The following FAM114A2 variants were observed in gnomAD, a reference collection of about 807,000 sequenced individuals.
The protein encoded by FAM114A2 is family with sequence similarity 114 member A2, also known as protein FAM114A2.
Under a neutral mutation model 58.4 loss-of-function variants are expected in FAM114A2, and 53 were observed. The ratio of observed to expected loss-of-function variants is 0.91; its 90% CI spans 0.73 to 1.14. FAM114A2 has a LOEUF of 1.14. Among genes scored for constraint, FAM114A2 ranks in the 50% most tolerant of loss-of-function variants. The pLI is 0.00. For synonymous variants in FAM114A2, 228 were observed against 211.4 expected (o/e 1.08, Z -0.68); for missense variants, 601 against 581.1 (o/e 1.03, Z -0.35).
At chr5:154,029,127 C>T (rs1772006666) in intron 5 of FAM114A2, among the ~76,000 whole-genome samples, 2 of 152,182 alleles carry the variant, frequency 1.3e-5, no homozygotes, top group African/African-American at 4.8e-5. Flanking sequence ...ATAAAGATCA[C>T]ATTTCCCCTT....
chr5:153,999,738 G>A (rs1302075812), intron 11 of FAM114A2, among the ~76,000 whole-genome samples: 1 of 151,684 alleles, frequency 6.6e-6, no homozygotes, highest in Non-Finnish European at 1.5e-5. Flanking sequence ...CCAGTATGAA[G>A]ATTTTTCAAA....
At chr5:154,030,077 T>C (rs1349900398) in intron 4 of FAM114A2, among the ~76,000 whole-genome samples, 1 of 152,216 alleles carries the variant, frequency 6.6e-6, no homozygotes, top group Non-Finnish European at 1.5e-5. Flanking sequence ...CACAGTGTAC[T>C]ATGATTACAC....
At chr5:154,026,973 A>G (rs1771825197) in intron 7 of FAM114A2, among the ~76,000 whole-genome samples, 1 of 152,128 alleles carries the variant, frequency 6.6e-6, no homozygotes, top group Admixed American at 6.5e-5. Context: ...ATTTAAAGAA[A>G]TAATACTTGA....
chr5:154,015,049 C>A (rs1447553182), intron 8 of FAM114A2, among the ~76,000 whole-genome samples: 1 of 152,096 alleles, frequency 6.6e-6, no homozygotes, highest in Non-Finnish European at 1.5e-5. Flanking sequence ...TGACAACCTG[C>A]ATGACACAGC....
intron 10 of FAM114A2, 67 bp downstream of exon 10, chr5:154,002,780 G>A: frequency 6.5e-7 from 1 of 1,538,718 alleles, no homozygotes; most frequent in Non-Finnish European, 8.9e-7. Flanking sequence ...TAGGAGCCTG[G>A]GTCCCTGATT....
chr5:154,020,688 T>A (rs1177706680), intron 8 of FAM114A2, among the ~76,000 whole-genome samples: 1 of 152,080 alleles, frequency 6.6e-6, no homozygotes, highest in East Asian at 1.9e-4. Context: ...CAGGATCAGA[T>A]GGATTCACAG....
chr5:153,994,330 A>G (rs1769424677), intron 13 of FAM114A2, among the ~76,000 whole-genome samples: 1 of 152,212 alleles, frequency 6.6e-6, no homozygotes, highest in Non-Finnish European at 1.5e-5. Context: ...TTGTCTGCAC[A>G]GTTAGTTTAC....
intron 9 of FAM114A2, among the ~76,000 whole-genome samples, chr5:154,009,375 A>G (rs1321801617): frequency 6.6e-6 from 1 of 152,206 alleles, no homozygotes; most frequent in Non-Finnish European, 1.5e-5. Context: ...CCATGAAAGC[A>G]TACTGATAAC....
rs1323191274 is a variant in FAM114A2, at chr5:154,034,763, G to C, written c.191C>G (p.Ser64Ter). The change falls in exon 2 of 14, where the codon TCA becomes TGA. Residue 64 changes from serine (S) to a stop codon, truncating the protein, a stop_gained. Coordinates refer to ENST00000351797, the MANE Select transcript of FAM114A2 (RefSeq NM_018691.4). LOFTEE classifies it high-confidence loss of function. Reference sequence around the variant, plus strand: ...TGATACCTGAATAGGGAGAACTTTTGAAGTCTCAAGGTCACTGGAAGGTTT... The same window carrying C: ...TGATACCTGAATAGGGAGAACTTTTCAAGTCTCAAGGTCACTGGAAGGTTT... ...ETKPSSDLET[S>*]KVLPIQDNVS... is the part of the protein sequence containing the mutation. 3.1e-6 allele frequency: 5 copies of C among 1,612,960 alleles called. No homozygotes were observed. Among genetic ancestry groups the C allele is most frequent in the Non-Finnish European group, 4.2e-6 (5 of 1,179,104 alleles).
At position 154,006,289 on chromosome 5, in the gene FAM114A2, C is replaced by T. The variant is rs559002222; in HGVS notation, c.994-3320G>A. Among the ~76,000 whole-genome samples the T allele has an allele frequency of 2.6e-5, 4 of 152,246 alleles. No homozygotes were observed. In the South Asian group the frequency reaches 8.3e-4, roughly 32 times the overall value. On this transcript the variant is annotated intron_variant, in intron 9 of 13. Transcript: ENST00000351797. The stretch of plus-strand genomic sequence containing the variant: ...AAACTAGGAGTCTGCTCTTCTCTCT[C>T]CTAATAAGGCAATTAGCAAGCAAAC...
At chr5:154,026,633 A>C (rs756797379) in intron 7 of FAM114A2, 111 bp from the exon 8 acceptor site, 3 of 632,146 alleles carry the variant, frequency 4.7e-6, no homozygotes, top group Non-Finnish European at 7.1e-6. Flanking sequence ...TTATGAGCTC[A>C]TCAGCCAGCA....
At chr5:154,032,095 C>T (rs188771832) in intron 4 of FAM114A2, among the ~76,000 whole-genome samples, 6 of 152,364 alleles carry the variant, frequency 3.9e-5, no homozygotes, top group Admixed American at 6.5e-5. Flanking sequence ...TCAGTGAACA[C>T]TGATCAAAGA....
At position 154,016,554 on chromosome 5, in the gene FAM114A2, C is replaced by A. The variant is rs144132295; in HGVS notation, c.914-5234G>T. ...AAGGAAAGATACAGTCTTTTTCAAA[C>A]AAACAAATGCTGAGAGAATTTGCCA... On this transcript the variant is annotated intron_variant, in intron 8 of 13. Transcript: ENST00000351797. 6.4e-3 allele frequency among the ~76,000 whole-genome samples: 974 copies of A among 152,180 alleles called. 37 individuals carry two copies. The East Asian group carries it at 0.12, about 18-fold the overall frequency.
intron 8 of FAM114A2, among the ~76,000 whole-genome samples, chr5:154,016,024 T>C (rs911508380): frequency 5.3e-5 from 8 of 151,860 alleles, no homozygotes; most frequent in African/African-American, 1.7e-4. Context: ...AAGAAAGAAC[T>C]TCAGAGCTCA....
At chr5:154,011,547 T>C (rs755184028) in intron 8 of FAM114A2, among the ~76,000 whole-genome samples, 1 of 152,170 alleles carries the variant, frequency 6.6e-6, no homozygotes, top group Non-Finnish European at 1.5e-5. Flanking sequence ...CATTATTCCA[T>C]GTTAGAGATG....
chr5:153,994,892 G>A, intron 13 of FAM114A2, 27 bp downstream of exon 13: 2 of 1,477,278 alleles, frequency 1.4e-6, no homozygotes, highest in Non-Finnish European at 9.5e-7. Context: ...TACCTTTGGA[G>A]TCAGAGACTT....
At position 153,990,838 on chromosome 5, in the gene FAM114A2, G is replaced by GT. The variant is rs1374102116; in HGVS notation, c.*2137dup. 4 of 152,112 alleles carry GT rather than the reference G, an allele frequency of 2.6e-5. No individual in the cohort carries two copies. The highest frequency in any genetic ancestry group is 2.6e-4 in the Admixed American group (4 of 15,268). The allele number at this position is 152,112 out of a possible 1,614,324, so 9.4% of individuals were successfully genotyped here. ...GCTGTTAACAAAAAACTAAAACACT[G>GT]TAACTACCCCAAATAAAATAATGAA... On this transcript the variant is annotated 3_prime_UTR_variant, in exon 14 of 14. Transcript: ENST00000351797.
At position 154,029,513 on chromosome 5, in the gene FAM114A2, G is replaced by A. The variant is rs944131621; in HGVS notation, c.471C>T (p.Thr157=). 3 of 1,607,852 alleles carry A rather than the reference G, an allele frequency of 1.9e-6. No individual in the cohort carries two copies. The highest frequency in any genetic ancestry group is 2.2e-5 in the East Asian group (1 of 44,780). Residue 157 remains threonine, a synonymous_variant, in exon 5 of 14, where the codon ACC becomes ACT. Coordinates refer to ENST00000351797, the MANE Select transcript of FAM114A2 (RefSeq NM_018691.4). ...CTGTGCTCTGAACAGCAGTAGAGATGGTAGAGAATACACCAAATGCCCCAG... is the reference window on the plus strand; with the variant it reads ...CTGTGCTCTGAACAGCAGTAGAGATAGTAGAGAATACACCAAATGCCCCAG... The part of the protein sequence containing the change: ...PVAGAFGVFS[T]ISTAVQSTGK...
intron 8 of FAM114A2, among the ~76,000 whole-genome samples, chr5:154,025,815 GCCATCTCATTTCCTGAC>G (rs1016182437): frequency 9.2e-5 from 14 of 152,026 alleles, no homozygotes; most frequent in African/African-American, 3.4e-4. Context: ...CTTTACGTCA[GCCATCTCATTTCCTGAC>G]CCATCTCATT....
Sources: allele counts gnomAD v4.1 joint callset (sites outside exome capture counted in the v4.1 genomes callset), GRCh38; gene constraint gnomAD v4.1.1; transcripts MANE v1.5; gene names NCBI Gene and HGNC (gene_info 2026-07-23, HGNC 2026-07-21).